The following NALCN variants were observed in gnomAD, a reference collection of about 807,000 sequenced individuals.
NALCN encodes the protein sodium leak channel NALCN.
In NALCN, 111 loss-of-function variants were observed where a neutral mutation model predicts 225.3. The observed-to-expected ratio is 0.49, with a 90% confidence interval of 0.42 to 0.58. The LOEUF is 0.58. NALCN is among the 20% of genes least tolerant of loss of function. The probability of loss-of-function intolerance (pLI) is 0.00; values close to 1 mark genes in which losing one functional copy is unlikely to be tolerated. For missense variants in NALCN, 1,378 were observed against 2,202.4 expected (o/e 0.63, Z 7.49); for synonymous variants, 764 against 769.0 (o/e 0.99, Z 0.11).
rs115701426 is a variant in NALCN at position 101,366,602 on chromosome 13, T to C, written c.644+10098A>G. On this transcript the variant is annotated intron_variant, in intron 6 of 43. Transcript: ENST00000251127. ...ACAGCCATCATACCTTAGCTTAATA[T>C]GTGACTCGGAGATGTGTATAATACA... is the stretch of plus-strand genomic sequence containing the variant. 3.0e-3 allele frequency among the ~76,000 whole-genome samples: 461 copies of C among 152,272 alleles called. 2 individuals are homozygous for C. Among genetic ancestry groups the C allele is most frequent in the African/African-American group, 0.011 (438 of 41,542 alleles).
At chr13:101,328,861 T>G (rs188493657) in intron 7 of NALCN, among the ~76,000 whole-genome samples, 9 of 152,250 alleles carry the variant, frequency 5.9e-5, no homozygotes, top group Admixed American at 5.9e-4. Context: ...CTGAAACCAA[T>G]TCCTTCTTTT....
intron 6 of NALCN, among the ~76,000 whole-genome samples, chr13:101,374,690 T>A (rs1287587757): frequency 6.6e-6 from 1 of 152,192 alleles, no homozygotes; most frequent in Admixed American, 6.5e-5. Context: ...GTTTAACATT[T>A]AACCAGTGAA....
At chr13:101,171,557 C>T (rs780535371) in intron 15 of NALCN, among the ~76,000 whole-genome samples, 3 of 152,060 alleles carry the variant, frequency 2.0e-5, no homozygotes, top group East Asian at 3.9e-4. Flanking sequence ...GAAAAGATTA[C>T]GCTGCCCTAT....
intron 43 of NALCN, chr13:101,057,721 G>A (rs2031435656): frequency 3.5e-6 from 2 of 563,392 alleles, no homozygotes; most frequent in Non-Finnish European, 6.4e-6. Context: ...ATGATAGCCT[G>A]AAATGTACCC....
At chr13:101,162,459 G>A (rs2038235906) in intron 15 of NALCN, among the ~76,000 whole-genome samples, 1 of 152,178 alleles carries the variant, frequency 6.6e-6, no homozygotes, top group Non-Finnish European at 1.5e-5. Flanking sequence ...GAGTTCAAAA[G>A]GAATCAGGGC....
At chr13:101,376,313 T>C (rs2046688008) in intron 6 of NALCN, among the ~76,000 whole-genome samples, 1 of 152,058 alleles carries the variant, frequency 6.6e-6, no homozygotes, top group Non-Finnish European at 1.5e-5. Flanking sequence ...CAGGTTACAT[T>C]TTCCAATCTG....
At chr13:101,155,581 T>C (rs1019938141) in intron 15 of NALCN, among the ~76,000 whole-genome samples, 2 of 152,206 alleles carry the variant, frequency 1.3e-5, no homozygotes, top group African/African-American at 4.8e-5. Flanking sequence ...TTAACTGTCC[T>C]TACTTGGGTA....
At chr13:101,290,947 A>T (rs1444668344) in intron 9 of NALCN, among the ~76,000 whole-genome samples, 1 of 152,216 alleles carries the variant, frequency 6.6e-6, no homozygotes, top group African/African-American at 2.4e-5. Flanking sequence ...AGAAGAAGAT[A>T]CACAAATCTG....
At chr13:101,412,334 T>G (rs956384589) in intron 1 of NALCN, among the ~76,000 whole-genome samples, 2 of 152,220 alleles carry the variant, frequency 1.3e-5, no homozygotes, top group African/African-American at 4.8e-5. Flanking sequence ...CCTCTTTTCA[T>G]CTCTTTTCTT....
chr13:101,361,209 A>T (rs182736784), intron 6 of NALCN, among the ~76,000 whole-genome samples: 2 of 152,270 alleles, frequency 1.3e-5, no homozygotes, highest in East Asian at 3.9e-4. Context: ...TATGGTTTCT[A>T]TCATGGGGAA....
chr13:101,270,349 C>T (rs560427319), intron 10 of NALCN, among the ~76,000 whole-genome samples: 3 of 152,300 alleles, frequency 2.0e-5, no homozygotes, highest in South Asian at 2.1e-4. Context: ...AATTAAATTC[C>T]TACATCTAGA....
intron 7 of NALCN, among the ~76,000 whole-genome samples, chr13:101,331,888 C>A (rs1443285127): frequency 6.6e-6 from 1 of 152,164 alleles, no homozygotes; most frequent in Non-Finnish European, 1.5e-5. Flanking sequence ...AAGCAGCCCC[C>A]ACAAAGCCCT....
intron 17 of NALCN, 33 bp downstream of exon 17, chr13:101,143,047 A>G (rs761534131): frequency 1.2e-6 from 2 of 1,613,886 alleles, no homozygotes; most frequent in South Asian, 2.2e-5. Context: ...GATGCTTTTT[A>G]GAAGCCTGGT....
intron 17 of NALCN, among the ~76,000 whole-genome samples, chr13:101,137,854 C>G (rs1350355452): frequency 6.6e-6 from 1 of 152,184 alleles, no homozygotes; most frequent in African/African-American, 2.4e-5. Context: ...CATATGCTAG[C>G]CCAGGTGCAA....
At chr13:101,112,734 A>G (rs928202209) in intron 18 of NALCN, among the ~76,000 whole-genome samples, 14 of 152,192 alleles carry the variant, frequency 9.2e-5, no homozygotes, top group Non-Finnish European at 1.6e-4. Flanking sequence ...TTTCACATTT[A>G]TGTTTCTTAA....
chr13:101,114,698 G>C (rs1168480592), intron 18 of NALCN, among the ~76,000 whole-genome samples: 2 of 152,194 alleles, frequency 1.3e-5, no homozygotes, highest in Non-Finnish European at 2.9e-5. Flanking sequence ...CCAGATTCCT[G>C]ACTAAAACTG....
chr13:101,308,465 G>A (rs1208576090), intron 7 of NALCN, among the ~76,000 whole-genome samples: 3 of 152,198 alleles, frequency 2.0e-5, no homozygotes, highest in African/African-American at 4.8e-5. Context: ...ACAGAGGCCT[G>A]CACTTTGGGA....
In NALCN at chr13:101,054,156, A is replaced by T. The variant is rs1320543289; in HGVS notation, c.*1139T>A. Reference sequence around the variant, plus strand: ...GGCCCAGCACAAGAAATCTAACAGCACTTTGTAATCATTTTGCTTTTCTAA... The same window carrying T: ...GGCCCAGCACAAGAAATCTAACAGCTCTTTGTAATCATTTTGCTTTTCTAA... On this transcript the variant is annotated 3_prime_UTR_variant, in exon 44 of 44. Coordinates refer to ENST00000251127, the MANE Select transcript of NALCN (RefSeq NM_052867.4). 1 of 152,214 alleles carries T rather than the reference A, an allele frequency of 6.6e-6. No individual in the cohort carries two copies. The highest frequency in any genetic ancestry group is 1.5e-5 in the Non-Finnish European group (1 of 68,040). The allele number at this position is 152,214 out of a possible 1,614,324, so 9.4% of individuals were successfully genotyped here.
At chr13:101,387,252 A>T (rs74831108) in intron 3 of NALCN, among the ~76,000 whole-genome samples, 21,286 of 116,104 alleles carry the variant, frequency 0.18, 3,360 homozygotes, top group East Asian at 0.42. Context: ...AAAAAAAAAA[A>T]AACAGGTTAG....
Sources: gnomAD v4.1 joint callset for allele counts (sites outside exome capture counted in the v4.1 genomes callset) on GRCh38, gnomAD v4.1.1 for gene constraint, MANE v1.5 for transcripts, NCBI Gene and HGNC (gene_info 2026-07-23, HGNC 2026-07-21) for gene names.